Variants in DPP6 observed in about 807,000 individuals in gnomAD.
DPP6 encodes dipeptidyl peptidase like 6.
In DPP6, 69 loss-of-function variants were observed where a neutral mutation model predicts 122.6. The observed-to-expected ratio is 0.56, with a 90% CI of 0.46 to 0.69. The LOEUF (loss-of-function observed/expected upper bound fraction) is 0.69, where lower values mean the gene tolerates loss of function less well. Ranked by LOEUF, DPP6 falls within the 30% of genes least tolerant of loss-of-function variation. The pLI is 0.00. For synonymous variants in DPP6, 418 were observed against 433.1 expected (o/e 0.97, Z 0.43); for missense variants, 928 against 1,116.9 (o/e 0.83, Z 2.41).
At chr7:154,572,502 T>C (rs1831174721) in intron 5 of DPP6, among the ~76,000 whole-genome samples, 1 of 141,364 alleles carries the variant, frequency 7.1e-6, no homozygotes, top group African/African-American at 2.6e-5. Flanking sequence ...TTTCTTTTTT[T>C]TTCTTTTCTT....
intron 4 of DPP6, among the ~76,000 whole-genome samples, chr7:154,557,661 A>G (rs1175314605): frequency 3.9e-5 from 6 of 152,172 alleles, no homozygotes; most frequent in African/African-American, 1.2e-4. Flanking sequence ...GAGAAAAATC[A>G]GTTTTCATGT....
At chr7:154,842,851 C>T (rs1801658561) in intron 16 of DPP6, among the ~76,000 whole-genome samples, 1 of 152,198 alleles carries the variant, frequency 6.6e-6, no homozygotes, top group South Asian at 2.1e-4. Context: ...AGCAGGCGTG[C>T]CATTGTATAT....
At position 154,664,060 on chromosome 7, in the gene DPP6, T is replaced by C. The variant is rs1412984011; in HGVS notation, c.681-5300T>C. 5.6e-4 allele frequency among the ~76,000 whole-genome samples: 60 copies of C among 107,566 alleles called. 7 individuals are homozygous for C. Among genetic ancestry groups the C allele is most frequent in the African/African-American group, 1.6e-3 (58 of 37,362 alleles). 70.6% of individuals were successfully genotyped at this position (107,566 alleles called of 152,430 possible). ...TCACCATGGCATATCGGCCGTAGTGTTCATATAGTCATGGTGAATCACCAT... is the reference window on the plus strand; with the variant it reads ...TCACCATGGCATATCGGCCGTAGTGCTCATATAGTCATGGTGAATCACCAT... On this transcript the variant is annotated intron_variant, in intron 6 of 25. Coordinates refer to ENST00000377770, the MANE Select transcript of DPP6 (RefSeq NM_130797.4).
chr7:154,448,738 A>G (rs1353740716), intron 2 of DPP6, among the ~76,000 whole-genome samples: 1 of 152,264 alleles, frequency 6.6e-6, no homozygotes, highest in African/African-American at 2.4e-5. Flanking sequence ...TCAATGGAAT[A>G]GAATTGAGAG....
At chr7:153,942,747 C>G (rs764544435) in intron 1 of DPP6, among the ~76,000 whole-genome samples, 15 of 152,184 alleles carry the variant, frequency 9.9e-5, no homozygotes, top group Non-Finnish European at 2.1e-4. Context: ...CGAGGCCGCC[C>G]CACACTCTGT....
intron 1 of DPP6, among the ~76,000 whole-genome samples, chr7:154,130,098 A>G (rs1435744190): frequency 6.7e-6 from 1 of 150,264 alleles, no homozygotes; most frequent in East Asian, 1.9e-4. Flanking sequence ...CCCCACACAC[A>G]CAAAAAAAAA....
chr7:154,151,406 T>G (rs1796413502), intron 1 of DPP6, among the ~76,000 whole-genome samples: 1 of 152,178 alleles, frequency 6.6e-6, no homozygotes, highest in South Asian at 2.1e-4. Context: ...TTCCTGTGCT[T>G]GTAAGCCTGT....
At chr7:154,435,364 G>A (rs1301044546) in intron 1 of DPP6, among the ~76,000 whole-genome samples, 2 of 152,126 alleles carry the variant, frequency 1.3e-5, no homozygotes, top group Non-Finnish European at 1.5e-5. Context: ...CTGGGCCAAC[G>A]CTTTCCCACC....
intron 1 of DPP6, among the ~76,000 whole-genome samples, chr7:154,367,767 A>G (rs537438287): frequency 1.3e-5 from 2 of 152,328 alleles, no homozygotes; most frequent in African/African-American, 4.8e-5. Context: ...CTTCATTTCA[A>G]TTGTGTGTGT....
chr7:154,664,350 C>G (rs1209238539), intron 6 of DPP6, among the ~76,000 whole-genome samples: 1 of 152,216 alleles, frequency 6.6e-6, no homozygotes, highest in Non-Finnish European at 1.5e-5. Flanking sequence ...TTTGTCGTAT[C>G]AAAGAAAAGT....
chr7:154,090,541 C>T (rs76172547), intron 1 of DPP6, among the ~76,000 whole-genome samples: 4 of 152,090 alleles, frequency 2.6e-5, no homozygotes, highest in Non-Finnish European at 5.9e-5. Context: ...AATACAGACC[C>T]CTTGTGTATC....
the DPP6 span, among the ~76,000 whole-genome samples, chr7:153,808,399 GTGTGTGCCTGTA>G: frequency 6.6e-6 from 1 of 150,968 alleles, no homozygotes. Context: ...GTGTGCCTGT[GTGTGTGCCTGTA>G]TGTGTGTCTG....
At chr7:154,510,202 T>C (rs1214458433) in intron 3 of DPP6, among the ~76,000 whole-genome samples, 1 of 152,194 alleles carries the variant, frequency 6.6e-6, no homozygotes, top group Non-Finnish European at 1.5e-5. Flanking sequence ...GGCAGGTCCT[T>C]AGAAACCAAG....
At chr7:154,547,297 C>A (rs542126962) in intron 4 of DPP6, among the ~76,000 whole-genome samples, 2 of 152,210 alleles carry the variant, frequency 1.3e-5, no homozygotes, top group Non-Finnish European at 1.5e-5. Flanking sequence ...TTTTTGTGTA[C>A]GGTTGAGAGG....
chr7:154,156,890 A>T (rs1796709031), intron 1 of DPP6, among the ~76,000 whole-genome samples: 1 of 152,290 alleles, frequency 6.6e-6, no homozygotes, highest in Non-Finnish European at 1.5e-5. Context: ...CTATGGGAAA[A>T]GCACTTTAAG....
At chr7:154,014,902 G>A (rs903706767) in intron 1 of DPP6, among the ~76,000 whole-genome samples, 2 of 151,754 alleles carry the variant, frequency 1.3e-5, no homozygotes, top group African/African-American at 2.4e-5. Flanking sequence ...TTAATCTCAC[G>A]GCACCTGCTT....
chr7:154,539,412 C>T (rs908738853), intron 3 of DPP6, among the ~76,000 whole-genome samples: 2 of 151,988 alleles, frequency 1.3e-5, no homozygotes, highest in Non-Finnish European at 2.9e-5. Context: ...TGTTCTCACT[C>T]ATAGGTGGGA....
chr7:154,410,225 A>G (rs1006617360), intron 1 of DPP6, among the ~76,000 whole-genome samples: 6 of 152,208 alleles, frequency 3.9e-5, no homozygotes, highest in Non-Finnish European at 8.8e-5. Context: ...TGTCTTAGGG[A>G]TGACAGTTCA....
chr7:154,425,621 G>C (rs199589154), intron 1 of DPP6, among the ~76,000 whole-genome samples: 16 of 121,514 alleles, frequency 1.3e-4, no homozygotes, highest in African/African-American at 6.7e-4. Context: ...TGTGTGTGTG[G>C]GTGTGTGTGT....
Sources: gnomAD v4.1 joint callset for allele counts (sites outside exome capture counted in the v4.1 genomes callset) on GRCh38, gnomAD v4.1.1 for gene constraint, MANE v1.5 for transcripts, NCBI Gene and HGNC (gene_info 2026-07-23, HGNC 2026-07-21) for gene names.